AGBL4: variants seen among roughly 807,000 people sequenced by gnomAD.
AGBL4 encodes the protein cytosolic carboxypeptidase 6.
Under a neutral mutation model 66.4 loss-of-function variants are expected in AGBL4, and 58 were observed. The observed-to-expected ratio is 0.87, with a 90% CI of 0.71 to 1.09. The LOEUF (loss-of-function observed/expected upper bound fraction) is 1.09. Ranked by LOEUF, AGBL4 falls within the 50% of genes least tolerant of loss-of-function variation. The pLI is 0.00. For synonymous variants in AGBL4, 234 were observed against 222.9 expected (o/e 1.05, Z -0.44); for missense variants, 579 against 631.0 (o/e 0.92, Z 0.88).
chr1:48,586,023 C>T (rs1417119547), intron 11 of AGBL4: 1 of 152,220 alleles, frequency 6.6e-6, no homozygotes, highest in African/African-American at 2.4e-5. Flanking sequence ...CCTTCCTCCT[C>T]CCTCCACTTC....
chr1:49,896,828 C>G (rs1371190515), intron 1 of AGBL4, among the ~76,000 whole-genome samples: 1 of 151,852 alleles, frequency 6.6e-6, no homozygotes, highest in Non-Finnish European at 1.5e-5. Context: ...CAGTGTGATA[C>G]ATCATATAAA....
intron 5 of AGBL4, among the ~76,000 whole-genome samples, chr1:49,006,365 C>T (rs1292707509): frequency 1.3e-4 from 20 of 152,172 alleles, no homozygotes; most frequent in African/African-American, 2.2e-4. Flanking sequence ...ACACCTGGCT[C>T]GGAGGGTCCT....
chr1:49,948,117 T>G (rs1378703222), intron 1 of AGBL4, among the ~76,000 whole-genome samples: 1 of 81,004 alleles, frequency 1.2e-5, no homozygotes, highest in Non-Finnish European at 2.1e-5. Context: ...TGTAAATGTA[T>G]GTAAATATAT....
chr1:49,840,313 ATGT>A (rs1239596542), intron 2 of AGBL4, among the ~76,000 whole-genome samples: 1 of 151,958 alleles, frequency 6.6e-6, no homozygotes, highest in Admixed American at 6.5e-5. Flanking sequence ...AATAGTTGTA[ATGT>A]TGTATTTGTC....
At chr1:49,471,182 G>T (rs1646735720) in intron 3 of AGBL4, among the ~76,000 whole-genome samples, 1 of 151,694 alleles carries the variant, frequency 6.6e-6, no homozygotes, top group Admixed American at 6.6e-5. Context: ...CTAGTCAACA[G>T]ATTTGCTTCC....
chr1:49,038,501 C>A (rs576145938), intron 5 of AGBL4, among the ~76,000 whole-genome samples: 2 of 152,110 alleles, frequency 1.3e-5, no homozygotes, highest in East Asian at 3.9e-4. Context: ...TAAAACTCAA[C>A]AATAAGAAAA....
chr1:48,961,151 G>A (rs1452255481), intron 5 of AGBL4, among the ~76,000 whole-genome samples: 1 of 152,088 alleles, frequency 6.6e-6, no homozygotes, highest in Non-Finnish European at 1.5e-5. Context: ...GTGGAGGGAT[G>A]CCTAGAACAC....
chr1:49,851,387 T>C lies in AGBL4; in HGVS notation c.157+9A>G, dbSNP rs781019295. ...CAAACTTAAAAGGAAAAGCCTTTAA[T>C]ATACTTACCACTTTCAAAGCAAGCA... On this transcript the variant is annotated intron_variant, in intron 2 of 13. Coordinates refer to ENST00000371839, the MANE Select transcript of AGBL4 (RefSeq NM_032785.4). 6.5e-7 allele frequency: 1 copy of C among 1,542,200 alleles called. No individual in the cohort carries two copies. Among genetic ancestry groups the C allele is most frequent in the South Asian group, 1.2e-5 (1 of 81,610 alleles).
intron 6 of AGBL4, among the ~76,000 whole-genome samples, chr1:48,733,215 A>C (rs1648438427): frequency 6.6e-6 from 1 of 152,182 alleles, no homozygotes; most frequent in Middle Eastern, 3.2e-3. Flanking sequence ...TGAGTGATCA[A>C]ATATATTTAC....
intron 4 of AGBL4, among the ~76,000 whole-genome samples, chr1:49,093,626 G>A (rs896676094): frequency 4.6e-5 from 7 of 152,168 alleles, no homozygotes; most frequent in Non-Finnish European, 1.0e-4. Flanking sequence ...ATGACTTGGA[G>A]AAGGTAGTAT....
At chr1:49,647,999 G>C (rs181435843) in intron 3 of AGBL4, among the ~76,000 whole-genome samples, 2 of 152,170 alleles carry the variant, frequency 1.3e-5, no homozygotes, top group African/African-American at 4.8e-5. Flanking sequence ...TAAAAACATA[G>C]TTGAGGAGAT....
At chr1:49,343,491 C>G (rs894413291) in intron 3 of AGBL4, among the ~76,000 whole-genome samples, 1 of 152,148 alleles carries the variant, frequency 6.6e-6, no homozygotes, top group Non-Finnish European at 1.5e-5. Context: ...ATCAAAGAAG[C>G]ATACTTTTAG....
chr1:49,581,042 T>C (rs992396099), intron 3 of AGBL4, among the ~76,000 whole-genome samples: 2 of 152,184 alleles, frequency 1.3e-5, no homozygotes, highest in African/African-American at 2.4e-5. Context: ...TCAAAGGCTT[T>C]ATTTTTTTCT....
intron 2 of AGBL4, among the ~76,000 whole-genome samples, chr1:49,700,379 C>T (rs1647068374): frequency 6.6e-6 from 1 of 150,856 alleles, no homozygotes; most frequent in Admixed American, 6.6e-5. Context: ...TAAAATTTGA[C>T]AAAATTAAAA....
At chr1:49,568,017 T>A (rs1029857034) in intron 3 of AGBL4, among the ~76,000 whole-genome samples, 1 of 152,130 alleles carries the variant, frequency 6.6e-6, no homozygotes, top group Non-Finnish European at 1.5e-5. Context: ...TTATACTCAA[T>A]TGGCAAAAGC....
intron 10 of AGBL4, among the ~76,000 whole-genome samples, chr1:48,590,130 C>T (rs889448933): frequency 9.9e-5 from 15 of 152,102 alleles, no homozygotes; most frequent in Middle Eastern, 3.4e-3. Context: ...AGCGGCCAGG[C>T]GCGGTGGCTC....
At chr1:49,058,636 TG>T (rs1644348132) in intron 4 of AGBL4, among the ~76,000 whole-genome samples, 1 of 152,132 alleles carries the variant, frequency 6.6e-6, no homozygotes. Context: ...AATGTGGAAC[TG>T]GGTAACAGGC....
chr1:48,819,550 T>C (rs1558017076), intron 6 of AGBL4, among the ~76,000 whole-genome samples: 1 of 152,114 alleles, frequency 6.6e-6, no homozygotes, highest in East Asian at 1.9e-4. Context: ...GGGATACAGA[T>C]ACAGGTTGAA....
At chr1:49,187,286 A>G (rs1256887510) in intron 4 of AGBL4, 1 of 152,180 alleles carries the variant, frequency 6.6e-6, no homozygotes, top group Non-Finnish European at 1.5e-5. Flanking sequence ...AGAAAACCCA[A>G]TGGAATATTA....
Sources: allele counts gnomAD v4.1 joint callset (sites outside exome capture counted in the v4.1 genomes callset), GRCh38; gene constraint gnomAD v4.1.1; transcripts MANE v1.5; gene names NCBI Gene and HGNC (gene_info 2026-07-23, HGNC 2026-07-21).